GAGE2A: variants seen among roughly 807,000 people sequenced by gnomAD.
GAGE2A encodes G antigen 2A/2B.
intron 3 of GAGE2A, among the ~76,000 whole-genome samples, chrX:49,591,700 A>G (rs1232474838): frequency 1.9e-3 from 59 of 30,665 alleles, no homozygotes; most frequent in African/African-American, 5.8e-3. Context: ...CTTAAAACTC[A>G]AAAGGCTTTA....
intron 1 of GAGE2A, among the ~76,000 whole-genome samples, chrX:49,589,998 C>T (rs2066587814): frequency 8.8e-6 from 1 of 114,271 alleles, no homozygotes; most frequent in African/African-American, 3.2e-5. Flanking sequence ...AGCCCCCCCC[C>T]AGCGGTGTGG....
At chrX:49,590,019 G>A (rs2066588096) in intron 1 of GAGE2A, among the ~76,000 whole-genome samples, 2 of 114,333 alleles carry the variant, frequency 1.7e-5, no homozygotes, top group African/African-American at 6.4e-5. Flanking sequence ...AGTGCGGAGC[G>A]CCCGAGTGAG....
At chrX:49,589,996 C>G (rs782336525) in intron 1 of GAGE2A, among the ~76,000 whole-genome samples, 1 of 114,048 alleles carries the variant, frequency 8.8e-6, no homozygotes, top group African/African-American at 3.2e-5. Context: ...CGAGCCCCCC[C>G]CCAGCGGTGT....
At chrX:49,589,945 G>A (rs1355844749) in intron 1 of GAGE2A, among the ~76,000 whole-genome samples, 11 of 114,147 alleles carry the variant, frequency 9.6e-5, no homozygotes, top group African/African-American at 3.5e-4. Context: ...CGAGGCAGGC[G>A]GTGAAGAAGG....
intron 1 of GAGE2A, among the ~76,000 whole-genome samples, chrX:49,590,149 G>A (rs2066588944): frequency 8.7e-6 from 1 of 114,760 alleles, no homozygotes; most frequent in African/African-American, 3.2e-5. Flanking sequence ...TAGGAAGTGG[G>A]AGTGTGCCCA....
At chrX:49,590,048 C>T (rs1557130121) in intron 1 of GAGE2A, among the ~76,000 whole-genome samples, 1 of 114,434 alleles carries the variant, frequency 8.7e-6, no homozygotes, top group African/African-American at 3.2e-5. Context: ...CAAGGTCTCA[C>T]CTCCGCCATG....
At chrX:49,591,456 T>C (rs1602746917) in intron 3 of GAGE2A, 139 bp downstream of exon 3, 1 of 752,260 alleles carries the variant, frequency 1.3e-6, no homozygotes, top group East Asian at 3.7e-5. Context: ...ATGGAAAGAA[T>C]GCCTGAAATT....
At chrX:49,591,534 G>C (rs1331962654) in intron 3 of GAGE2A, among the ~76,000 whole-genome samples, 1 of 102,039 alleles carries the variant, frequency 9.8e-6, no homozygotes, top group Non-Finnish European at 2.0e-5. Context: ...TATGATAAAA[G>C]TTCTCGACTT....
At chrX:49,591,074 T>A (rs2066594422) in intron 2 of GAGE2A, 123 bp from the exon 3 acceptor site, 1 of 969,907 alleles carries the variant, frequency 1.0e-6, no homozygotes, top group Non-Finnish European at 1.4e-6. Context: ...GAGCATAGAG[T>A]TGGAGAAATG....
chrX:49,589,921 G>T (rs2066586856), intron 1 of GAGE2A, among the ~76,000 whole-genome samples: 1 of 114,140 alleles, frequency 8.8e-6, no homozygotes, highest in African/African-American at 3.2e-5. Flanking sequence ...CCTGAATGGG[G>T]CCCCCGGCGG....
intron 1 of GAGE2A, among the ~76,000 whole-genome samples, chrX:49,590,102 T>C (rs1164749603): frequency 2.6e-5 from 3 of 114,483 alleles, no homozygotes; most frequent in African/African-American, 9.5e-5. Flanking sequence ...GGCAGTGCGG[T>C]CCAACCAAAC....
intron 1 of GAGE2A, among the ~76,000 whole-genome samples, chrX:49,589,936 G>A (rs1557130058): frequency 8.8e-6 from 1 of 114,212 alleles, no homozygotes; most frequent in African/African-American, 3.2e-5. Flanking sequence ...CGGCGGGGGC[G>A]AGGCAGGCGG....
At chrX:49,591,569 A>T (rs2066599062) in intron 3 of GAGE2A, among the ~76,000 whole-genome samples, 1 of 101,889 alleles carries the variant, frequency 9.8e-6, no homozygotes, top group African/African-American at 3.5e-5. Flanking sequence ...TGGAGGTGCC[A>T]GGGTTGTGTG....
intron 3 of GAGE2A, among the ~76,000 whole-genome samples, chrX:49,591,669 G>C (rs1206158011): frequency 1.4e-5 from 1 of 73,347 alleles, no homozygotes; most frequent in East Asian, 3.7e-4. Context: ...TGTAAAGAAG[G>C]AAGTGATTTT....
At chrX:49,591,504 A>C (rs1483477664) in intron 3 of GAGE2A, among the ~76,000 whole-genome samples, 187 bp downstream of exon 3, 2 of 99,614 alleles carry the variant, frequency 2.0e-5, no homozygotes, top group Non-Finnish European at 4.2e-5. Flanking sequence ...TTTGCAGCTT[A>C]GCTTAGGCAA....
Position 49,591,204 on chromosome X carries a change from A to G in GAGE2A, c.89A>G (p.Gln30Arg), listed in dbSNP as rs2066595427. ...PEMIGPMRPE[Q>R]FSDEVEPATP... ...CCCACACGTATTCCCCAGCCCGAGCAGTTCAGTGATGAAGTGGAACCAGCA... is the reference window on the plus strand; with the variant it reads ...CCCACACGTATTCCCCAGCCCGAGCGGTTCAGTGATGAAGTGGAACCAGCA... The change falls in exon 3 of 5, where the codon CAG (glutamine) becomes CGG (arginine). Residue 30 changes from glutamine to arginine, a missense_variant. Coordinates refer to ENST00000362097, the MANE Select transcript of GAGE2A (RefSeq NM_001127212.4). 1.1e-6 allele frequency: 1 copy of G among 879,262 alleles called. No individual in the cohort carries two copies. The highest frequency in any genetic ancestry group is 1.9e-5 in the African/African-American group (1 of 52,412). 72.5% of individuals were successfully genotyped at this position (879,262 alleles called of 1,213,427 possible). A position where few individuals can be genotyped will look rare whatever the true frequency, so the allele number is the denominator to read the frequency against.
intron 3 of GAGE2A, among the ~76,000 whole-genome samples, chrX:49,591,647 C>G (rs1451149495): frequency 4.2e-4 from 36 of 85,637 alleles, no homozygotes; most frequent in African/African-American, 1.3e-3. Flanking sequence ...GTCTTCCTAT[C>G]ATGTATGTTG....
chrX:49,591,468 A>G (rs1353187574), intron 3 of GAGE2A, among the ~76,000 whole-genome samples, 151 bp downstream of exon 3: 5 of 88,790 alleles, frequency 5.6e-5, no homozygotes, highest in Admixed American at 1.2e-4. Context: ...CCTGAAATTG[A>G]GTGGAAAAGC....
intron 3 of GAGE2A, among the ~76,000 whole-genome samples, 169 bp downstream of exon 3, chrX:49,591,486 C>G (rs1187325155): frequency 2.0e-5 from 2 of 97,848 alleles, no homozygotes; most frequent in Non-Finnish European, 4.2e-5. Context: ...AGCGAGGAGG[C>G]TATGTAGTTT....
Sources: gnomAD v4.1 joint callset for allele counts (sites outside exome capture counted in the v4.1 genomes callset) on GRCh38, gnomAD v4.1.1 for gene constraint, MANE v1.5 for transcripts, NCBI Gene and HGNC (gene_info 2026-07-23, HGNC 2026-07-21) for gene names.